IQCF1: variants seen among roughly 807,000 people sequenced by gnomAD.
IQCF1 encodes IQ motif containing F1.
In IQCF1, 9 loss-of-function variants were observed where a neutral mutation model predicts 12.5. That is an observed-to-expected ratio of 0.72 (90% confidence interval 0.43 to 1.26). The LOEUF (loss-of-function observed/expected upper bound fraction) is 1.26, where lower values mean the gene tolerates loss of function less well. IQCF1 is among the 50% of genes most tolerant of loss of function. The pLI is 0.00. For synonymous variants in IQCF1, 67 were observed against 96.2 expected (o/e 0.70, Z 1.78); for missense variants, 252 against 257.4 (o/e 0.98, Z 0.14).
rs142820070 is a variant in IQCF1 at position 51,895,053 on chromosome 3, C to G, written c.455G>C (p.Arg152Pro). The G allele has an allele frequency of 6.2e-7, 1 of 1,614,124 alleles. No homozygotes were observed. Among genetic ancestry groups the G allele is most frequent in the Admixed American group, 1.7e-5 (1 of 60,012 alleles). ...RRYCQVLNAVRIIQAYWRCRS... is the reference protein window; with the variant it reads ...RRYCQVLNAVPIIQAYWRCRS... ...GCACCTCCAGTAAGCCTGGATGATGCGAACAGCATTGAGCACCTGGCAATA... is the reference window on the plus strand; with the variant it reads ...GCACCTCCAGTAAGCCTGGATGATGGGAACAGCATTGAGCACCTGGCAATA... The change falls in exon 4 of 4, where the codon CGC becomes CCC. Residue 152 changes from arginine (R) to proline (P), a missense_variant. By Grantham distance (103) the Arg-to-Pro change is moderately radical (BLOSUM62 -2). Transcript: ENST00000310914. This position sits in a 1 kb window ranked among gnomAD's most constrained non-coding sequence, Gnocchi z 4.8.
chr3:51,895,216 T>C lies in IQCF1; in HGVS notation c.292A>G (p.Ile98Val). Residue 98 changes from isoleucine to valine, a missense_variant, in exon 4 of 4, where the codon ATT becomes GTT. By Grantham distance (29) the Ile-to-Val change is conservative. Transcript: ENST00000310914. This position sits in a 1 kb window ranked among gnomAD's most constrained non-coding sequence, Gnocchi z 4.8. ...LLHAALSACI[I>V]QCWWRLILSK... is the part of the protein sequence containing the mutation. Reference sequence around the variant, plus strand: ...AGTATCAGCCGCCACCAGCACTGAATGATGCAGGCACTGAGGGCTGCGTGC... The same window carrying C: ...AGTATCAGCCGCCACCAGCACTGAACGATGCAGGCACTGAGGGCTGCGTGC... 6.2e-7 allele frequency: 1 copy of C among 1,614,216 alleles called. No homozygotes were observed. Among genetic ancestry groups the C allele is most frequent in the Admixed American group, 1.7e-5 (1 of 60,032 alleles).
intron 2 of IQCF1, among the ~76,000 whole-genome samples, chr3:51,897,492 A>G (rs549935234): frequency 2.1e-4 from 32 of 152,226 alleles, no homozygotes; most frequent in Admixed American, 2.6e-4. Context: ...TGGTTCTCCA[A>G]CGTGAGGAGG....
intron 2 of IQCF1, 43 bp from the exon 3 acceptor site, chr3:51,896,937 T>C: frequency 6.8e-7 from 1 of 1,461,042 alleles, no homozygotes; most frequent in East Asian, 2.3e-5. Context: ...GATTGAGTTG[T>C]TTATTTCTCT....
At chr3:51,896,794 T>C (rs1699009576) in intron 3 of IQCF1, 38 bp downstream of exon 3, 1 of 1,508,822 alleles carries the variant, frequency 6.6e-7, no homozygotes, top group Non-Finnish European at 9.2e-7. Context: ...AGCCCCCACA[T>C]CCCCAGCCCC....
At chr3:51,897,262 G>A (rs1699018556) in intron 2 of IQCF1, among the ~76,000 whole-genome samples, 1 of 152,238 alleles carries the variant, frequency 6.6e-6, no homozygotes, top group Admixed American at 6.5e-5. Flanking sequence ...CACAGCAGCA[G>A]GGGCCACGGG....
At chr3:51,902,875 T>A in intron 2 of IQCF1, 110 bp downstream of exon 2, 1 of 883,738 alleles carries the variant, frequency 1.1e-6, no homozygotes, top group Non-Finnish European at 1.9e-6. Context: ...ATTTGAGTGC[T>A]ATTTCTTTTG....
At chr3:51,903,225 A>G (rs762682067) in intron 1 of IQCF1, 45 bp downstream of exon 1, 2 of 1,611,250 alleles carry the variant, frequency 1.2e-6, no homozygotes, top group Admixed American at 1.7e-5. Flanking sequence ...TGAGAGATCT[A>G]TGGGGACATC....
chr3:51,902,930 A>T, intron 2 of IQCF1, 55 bp downstream of exon 2: 1 of 1,256,778 alleles, frequency 8.0e-7, no homozygotes, highest in Non-Finnish European at 1.2e-6. Flanking sequence ...AAAAGACACT[A>T]GCTACTAGCA....
At chr3:51,898,256 CAGAGAGAGAG>C (rs34717502) in intron 2 of IQCF1, among the ~76,000 whole-genome samples, 1 of 149,648 alleles carries the variant, frequency 6.7e-6, no homozygotes, top group Non-Finnish European at 1.5e-5. Flanking sequence ...AAGAGGGAGT[CAGAGAGAGAG>C]AGAGAGAGAG....
At chr3:51,896,715 A>ACACG in intron 3 of IQCF1, 117 bp downstream of exon 3, 2 of 516,504 alleles carry the variant, frequency 3.9e-6, no homozygotes, top group Non-Finnish European at 7.1e-6. Flanking sequence ...ACACACACGC[A>ACACG]CACACACACA....
In IQCF1 at chr3:51,895,154, T is replaced by C. The variant is rs1214583055; in HGVS notation, c.354A>G (p.Leu118=). 1 of 1,614,138 alleles carries C rather than the reference T, an allele frequency of 6.2e-7. No individual in the cohort carries two copies. Among genetic ancestry groups the C allele is most frequent in the Non-Finnish European group, 8.5e-7 (1 of 1,180,062 alleles). The part of the protein sequence containing the change: ...KILKKRRQAA[L]EAFSRKEWAA... ...CCCACTCCTTCCGGGAGAAGGCCTCTAGCGCTGCCTGCCGCCTCTTCTTCA... is the reference window on the plus strand; with the variant it reads ...CCCACTCCTTCCGGGAGAAGGCCTCCAGCGCTGCCTGCCGCCTCTTCTTCA... Residue 118 remains leucine (L), a synonymous_variant, in exon 4 of 4, where the codon CTA becomes CTG. Coordinates refer to ENST00000310914, the MANE Select transcript of IQCF1 (RefSeq NM_152397.3). This position sits in a 1 kb window ranked among gnomAD's most constrained non-coding sequence, Gnocchi z 4.8.
chr3:51,897,775 C>T (rs1699027738), intron 2 of IQCF1, among the ~76,000 whole-genome samples: 1 of 152,180 alleles, frequency 6.6e-6, no homozygotes. Flanking sequence ...CAGTGTTGTT[C>T]GTGTGGACAG....
intron 2 of IQCF1, among the ~76,000 whole-genome samples, chr3:51,899,850 T>C (rs746644336): frequency 2.0e-5 from 3 of 152,204 alleles, no homozygotes; most frequent in Non-Finnish European, 4.4e-5. Context: ...AAGGTGAAAT[T>C]TAGCTTATCT....
Position 51,895,155 on chromosome 3 carries a change from A to G in IQCF1, c.353T>C (p.Leu118Pro). 6.2e-7 allele frequency: 1 copy of G among 1,614,264 alleles called. No homozygotes were observed. Among genetic ancestry groups the G allele is most frequent in the South Asian group, 1.1e-5 (1 of 91,090 alleles). The change falls in exon 4 of 4, where the codon CTA (leucine) becomes CCA (proline). Residue 118 changes from leucine (L) to proline (P), a missense_variant. Transcript: ENST00000310914. This position sits in a 1 kb window ranked among gnomAD's most constrained non-coding sequence, Gnocchi z 4.8. The part of the protein sequence containing the change: ...KILKKRRQAA[L>P]EAFSRKEWAA... ...CCACTCCTTCCGGGAGAAGGCCTCT[A>G]GCGCTGCCTGCCGCCTCTTCTTCAG...
Position 51,895,075 on chromosome 3 carries a change from A to G in IQCF1, c.433T>C (p.Cys145Arg). The change falls in exon 4 of 4, where the codon TGC becomes CGC. Residue 145 changes from cysteine (C) to arginine (R), a missense_variant. Physicochemically the swap from Cys to Arg is radical, Grantham distance 180. Transcript: ENST00000310914. The surrounding 1 kb of genome is among the most constrained non-coding windows in gnomAD (Gnocchi z 4.8). ...ARMWRIRRRY[C>R]QVLNAVRIIQ... ...ATGCGAACAGCATTGAGCACCTGGC[A>G]ATAGCGTCTGCGGATGCGCCACATG... 1 of 1,614,248 alleles carries G rather than the reference A, an allele frequency of 6.2e-7. No individual in the cohort carries two copies. The highest frequency in any genetic ancestry group is 8.5e-7 in the Non-Finnish European group (1 of 1,180,038).
At chr3:51,896,720 C>CA (rs1278732483) in intron 3 of IQCF1, 112 bp downstream of exon 3, 1 of 818,480 alleles carries the variant, frequency 1.2e-6, no homozygotes, top group Admixed American at 1.7e-5. Context: ...CACGCACACA[C>CA]ACACACACAT....
At chr3:51,897,440 G>C (rs1383935483) in intron 2 of IQCF1, among the ~76,000 whole-genome samples, 2 of 152,218 alleles carry the variant, frequency 1.3e-5, no homozygotes, top group Non-Finnish European at 2.9e-5. Context: ...ATAACAATTT[G>C]GGGGCTCGCC....
At position 51,903,253 on chromosome 3, in the gene IQCF1, G is replaced by A; in HGVS notation, c.3+17C>T. On this transcript the variant is annotated intron_variant, in intron 1 of 3. Transcript: ENST00000310914. ...GGGACATCCCTAACAAGCCTGGTGT[G>A]TCTGGCTTTCTCTTACCATTGGTCA... 1.2e-6 allele frequency: 2 copies of A among 1,613,736 alleles called. No homozygotes were observed. Among genetic ancestry groups the A allele is most frequent in the Non-Finnish European group, 1.7e-6 (2 of 1,179,620 alleles).
At chr3:51,902,606 T>C (rs1156683616) in intron 2 of IQCF1, among the ~76,000 whole-genome samples, 1 of 152,220 alleles carries the variant, frequency 6.6e-6, no homozygotes, top group African/African-American at 2.4e-5. Flanking sequence ...TCCGATTTCC[T>C]GCTCCGCGGT....
Sources: allele counts gnomAD v4.1 joint callset (sites outside exome capture counted in the v4.1 genomes callset), GRCh38; gene constraint gnomAD v4.1.1; non-coding constraint Gnocchi (gnomAD v3.1); transcripts MANE v1.5; gene names NCBI Gene and HGNC (gene_info 2026-07-23, HGNC 2026-07-21).